Variants in TTC27 observed in about 807,000 individuals in gnomAD.
The protein encoded by TTC27 is tetratricopeptide repeat protein 27.
In TTC27, 79 loss-of-function variants were observed where a neutral mutation model predicts 115.9. The ratio of observed to expected loss-of-function variants is 0.68; its 90% CI spans 0.57 to 0.82. The LOEUF is 0.82. Among genes scored for constraint, TTC27 ranks in the 40% least tolerant of loss-of-function variants. TTC27 has a pLI of 0.00. For synonymous variants in TTC27, 401 were observed against 356.0 expected (o/e 1.13, Z -1.42); for missense variants, 1,054 against 993.1 (o/e 1.06, Z -0.82).
intron 16 of TTC27, among the ~76,000 whole-genome samples, chr2:32,794,744 G>T (rs1260323046): frequency 6.6e-6 from 1 of 152,024 alleles, no homozygotes; most frequent in African/African-American, 2.4e-5. Flanking sequence ...AATCAGAAAT[G>T]AAAATGGGGG....
chr2:32,782,529 C>T (rs1002314216), intron 14 of TTC27, 97 bp from the exon 15 acceptor site: 6 of 960,472 alleles, frequency 6.2e-6, no homozygotes, highest in Non-Finnish European at 9.5e-6. Context: ...TTTTAAAGAG[C>T]ATATATTGGA....
At chr2:32,682,228 C>T (rs1228604118) in intron 9 of TTC27, among the ~76,000 whole-genome samples, 2 of 152,040 alleles carry the variant, frequency 1.3e-5, no homozygotes, top group African/African-American at 4.8e-5. Context: ...AGCTGTGTCA[C>T]TTACTTGGTT....
chr2:32,721,811 A>AT (rs1667941685), intron 10 of TTC27, among the ~76,000 whole-genome samples: 1 of 151,588 alleles, frequency 6.6e-6, no homozygotes. Context: ...TAATTTTTTC[A>AT]TTTTTTTAGA....
intron 16 of TTC27, among the ~76,000 whole-genome samples, chr2:32,790,791 G>A (rs1572617083): frequency 6.7e-6 from 1 of 149,222 alleles, no homozygotes; most frequent in Admixed American, 6.7e-5. Flanking sequence ...TATTATAGAT[G>A]TGCTACTGAT....
chr2:32,771,536 A>C (rs887373195), intron 13 of TTC27, among the ~76,000 whole-genome samples: 3 of 152,218 alleles, frequency 2.0e-5, no homozygotes, highest in African/African-American at 7.2e-5. Context: ...CCTCTAGTAA[A>C]AGAAAAAGTA....
At position 32,628,099 on chromosome 2, in the gene TTC27, G is replaced by T. The variant is rs2063522139; in HGVS notation, c.-194G>T. 1 of 561,742 alleles carries T rather than the reference G, an allele frequency of 1.8e-6. No individual in the cohort carries two copies. The highest frequency in any genetic ancestry group is 3.1e-6 in the Non-Finnish European group (1 of 318,518). 34.8% of individuals were successfully genotyped at this position (561,742 alleles called of 1,614,324 possible). On this transcript the variant is annotated 5_prime_UTR_variant, in exon 1 of 20. Coordinates refer to ENST00000317907, the MANE Select transcript of TTC27 (RefSeq NM_017735.5). ...AGAGAGCGTGCGTGTTTTTCCCAGG[G>T]TGCCCCGCGCTGCTGTTATGGCCGC...
chr2:32,818,097 C>T (rs537901817), intron 19 of TTC27, among the ~76,000 whole-genome samples: 1 of 151,690 alleles, frequency 6.6e-6, no homozygotes, highest in Non-Finnish European at 1.5e-5. Context: ...GTTTACAATT[C>T]AGCCCTTAAT....
At chr2:32,716,078 C>G (rs538692725) in intron 10 of TTC27, among the ~76,000 whole-genome samples, 1 of 152,236 alleles carries the variant, frequency 6.6e-6, no homozygotes, top group Non-Finnish European at 1.5e-5. Context: ...GCCTTTCAGT[C>G]TCAACAGTTT....
chr2:32,760,021 T>G (rs1317939138), intron 13 of TTC27, among the ~76,000 whole-genome samples: 1 of 152,248 alleles, frequency 6.6e-6, no homozygotes, highest in East Asian at 1.9e-4. Context: ...TACTTCCACC[T>G]CTTGACTATT....
chr2:32,666,919 G>C, intron 7 of TTC27, 151 bp downstream of exon 7: 2 of 931,184 alleles, frequency 2.1e-6, no homozygotes. Flanking sequence ...AGGGAGAACT[G>C]GTGTTTAACT....
chr2:32,667,542 G>A (rs1011092698), intron 7 of TTC27, among the ~76,000 whole-genome samples: 8 of 149,586 alleles, frequency 5.3e-5, no homozygotes, highest in Non-Finnish European at 8.9e-5. Flanking sequence ...TCAGCCTCCC[G>A]AGTAGCTGGG....
intron 13 of TTC27, among the ~76,000 whole-genome samples, chr2:32,766,109 G>A (rs746060218): frequency 3.9e-5 from 6 of 152,042 alleles, no homozygotes; most frequent in Non-Finnish European, 7.4e-5. Flanking sequence ...CCCAGCTTTC[G>A]GCCTGTCTCA....
chr2:32,793,138 G>A (rs1475952566), intron 16 of TTC27, among the ~76,000 whole-genome samples: 1 of 152,162 alleles, frequency 6.6e-6, no homozygotes, highest in African/African-American at 2.4e-5. Context: ...CTATAGAGCT[G>A]TTTATACTGA....
chr2:32,720,461 C>T (rs917852867), intron 10 of TTC27, among the ~76,000 whole-genome samples: 2 of 152,102 alleles, frequency 1.3e-5, no homozygotes, highest in African/African-American at 2.4e-5. Context: ...CTGTAGAGGC[C>T]AGCCTTTCTG....
chr2:32,640,449 C>A, intron 4 of TTC27, 39 bp downstream of exon 4: 1 of 1,594,258 alleles, frequency 6.3e-7, no homozygotes, highest in Non-Finnish European at 8.6e-7. Context: ...CCTGGTATGA[C>A]TTTTGTGCTT....
intron 1 of TTC27, among the ~76,000 whole-genome samples, chr2:32,629,716 G>A (rs1238685256): frequency 1.3e-5 from 2 of 152,188 alleles, no homozygotes; most frequent in African/African-American, 4.8e-5. Flanking sequence ...TGGGATTACA[G>A]GCATGAGCCA....
chr2:32,669,883 C>CAAAAAA (rs70938358), intron 7 of TTC27, among the ~76,000 whole-genome samples: 5 of 108,522 alleles, frequency 4.6e-5, no homozygotes, highest in East Asian at 2.5e-4. Flanking sequence ...GAGACTTTCT[C>CAAAAAA]AAAAAAAAAA....
In TTC27 at chr2:32,815,223, A is replaced by ATTTTTTTTTTTTTTTTTTTTTTTTTTTTT. The variant is rs533493768; in HGVS notation, c.2309-2231_2309-2203dup. Among the ~76,000 whole-genome samples the ATTTTTTTTTTTTTTTTTTTTTTTTTTTTT allele has an allele frequency of 3.6e-5, 2 of 55,512 alleles. 1 individual carries two copies. Among genetic ancestry groups the ATTTTTTTTTTTTTTTTTTTTTTTTTTTTT allele is most frequent in the African/African-American group, 1.9e-4 (2 of 10,720 alleles). The allele number at this position is 55,512 out of a possible 152,430, so 36.4% of individuals were successfully genotyped here. The stretch of plus-strand genomic sequence containing the variant: ...CATAGAGGAGGCACTGCTGCTTCAG[A>ATTTTTTTTTTTTTTTTTTTTTTTTTTTTT]TTTTTTTTTTTTTTTTTTTTTTTTT... On this transcript the variant is annotated intron_variant, in intron 18 of 19. Transcript: ENST00000317907.
chr2:32,698,435 G>GTTATTATTCTTATTATTATTATTA (rs1667067148), intron 9 of TTC27, among the ~76,000 whole-genome samples: 1 of 145,434 alleles, frequency 6.9e-6, no homozygotes, highest in East Asian at 2.1e-4. Context: ...CAGCCATAAA[G>GTTATTATTCTTATTATTATTATTA]TTATTATTAT....
Sources: gnomAD v4.1 joint callset for allele counts (sites outside exome capture counted in the v4.1 genomes callset) on GRCh38, gnomAD v4.1.1 for gene constraint, MANE v1.5 for transcripts, NCBI Gene and HGNC (gene_info 2026-07-23, HGNC 2026-07-21) for gene names.